Variants in SLX9 observed in about 807,000 individuals in gnomAD.
The protein encoded by SLX9 is SLX9 ribosome biogenesis factor.
A neutral mutation model predicts 20.8 loss-of-function variants in SLX9; 19 were observed. That is an observed-to-expected ratio of 0.91 (90% CI 0.64 to 1.34). SLX9 has a LOEUF of 1.34. Among genes scored for constraint, SLX9 ranks in the 40% most tolerant of loss-of-function variants. SLX9 has a pLI of 0.00. For missense variants in SLX9, 299 were observed against 322.2 expected, an observed-to-expected ratio of 0.93 and a Z score of 0.55; for synonymous variants, 113 against 137.1, an observed-to-expected ratio of 0.82 and a Z score of 1.23.
chr21:44,952,037 C>T lies in SLX9; in HGVS notation c.284-8063C>T, dbSNP rs112074084. ...GTGGGCACAGTGCAGCAGGCTAAGC[C>T]TTCATCGGATTAAAGTCGCCGGTTT... On this transcript the variant is annotated intron_variant, in intron 2 of 5. Transcript: ENST00000291634. Among the ~76,000 whole-genome samples, 19 of 147,672 alleles carry T rather than the reference C, an allele frequency of 1.3e-4. 2 individuals carry two copies. The highest frequency in any genetic ancestry group is 2.6e-4 in the Admixed American group (4 of 15,166).
intron 1 of SLX9, among the ~76,000 whole-genome samples, chr21:44,942,050 C>G (rs1223001534): frequency 1.3e-5 from 2 of 152,218 alleles, no homozygotes; most frequent in Non-Finnish European, 2.9e-5. Flanking sequence ...AGGGGCGTGC[C>G]TTTAGTTGTC....
At chr21:44,955,971 A>T (rs1262583593) in intron 2 of SLX9, among the ~76,000 whole-genome samples, 4 of 152,182 alleles carry the variant, frequency 2.6e-5, no homozygotes. Flanking sequence ...TGCGGCCTGT[A>T]CCTTTGGAGG....
chr21:44,946,011 G>A (rs1244395539), intron 2 of SLX9, among the ~76,000 whole-genome samples: 1 of 151,922 alleles, frequency 6.6e-6, no homozygotes, highest in East Asian at 1.9e-4. Context: ...TGGGATTACA[G>A]GTGTGAGCCA....
At chr21:44,963,203 C>T (rs951023040) in intron 3 of SLX9, among the ~76,000 whole-genome samples, 29 of 151,936 alleles carry the variant, frequency 1.9e-4, no homozygotes, top group African/African-American at 7.0e-4. Flanking sequence ...ATTCTTCTGC[C>T]TCAGCCTTCT....
intron 3 of SLX9, 37 bp from the exon 4 acceptor site, chr21:44,966,997 C>T (rs1020416235): frequency 6.3e-7 from 1 of 1,581,410 alleles, no homozygotes; most frequent in Non-Finnish European, 8.6e-7. Flanking sequence ...CCTCCTCTGC[C>T]TCTTGTTTGC....
chr21:44,959,205 T>TG, intron 2 of SLX9: 3 of 985,446 alleles, frequency 3.0e-6, no homozygotes, highest in Non-Finnish European at 3.6e-6. Flanking sequence ...GGCTTGCTTC[T>TG]GCTTTGTTTT....
intron 1 of SLX9, 120 bp from the exon 2 acceptor site, chr21:44,943,564 A>G: frequency 7.3e-7 from 1 of 1,361,280 alleles, no homozygotes; most frequent in Non-Finnish European, 1.0e-6. Context: ...CCTCCCGGGC[A>G]GAGAAGCTGG....
chr21:44,948,646 G>A (rs982025917), intron 2 of SLX9, among the ~76,000 whole-genome samples: 4 of 152,188 alleles, frequency 2.6e-5, no homozygotes, highest in Non-Finnish European at 2.9e-5. Flanking sequence ...GCTGGAGAGG[G>A]AGCTCACAGC....
At chr21:44,943,592 C>T (rs2084588029) in intron 1 of SLX9, 92 bp from the exon 2 acceptor site, 3 of 1,523,904 alleles carry the variant, frequency 2.0e-6, no homozygotes, top group Admixed American at 1.8e-5. Flanking sequence ...AGGTTCTTGT[C>T]TTGCATCTTC....
intron 3 of SLX9, among the ~76,000 whole-genome samples, chr21:44,965,941 C>T (rs747058916): frequency 6.6e-6 from 1 of 152,142 alleles, no homozygotes; most frequent in Non-Finnish European, 1.5e-5. Flanking sequence ...GTGGAGTAAG[C>T]GCTGGATTCT....
chr21:44,945,170 G>A (rs2084620325), intron 2 of SLX9, among the ~76,000 whole-genome samples: 1 of 152,204 alleles, frequency 6.6e-6, no homozygotes, highest in Non-Finnish European at 1.5e-5. Context: ...GATGCTAAGG[G>A]CCTCACTGTG....
chr21:44,949,896 T>TTG (rs1482012546), intron 2 of SLX9, among the ~76,000 whole-genome samples: 3 of 152,174 alleles, frequency 2.0e-5, no homozygotes, highest in Non-Finnish European at 2.9e-5. Flanking sequence ...GGGCGCGACC[T>TTG]TGGCTTCCTG....
rs2084716586 is a variant in SLX9, at chr21:44,949,631, C to G, written c.283+5794C>G. Among the ~76,000 whole-genome samples, 3 of 152,204 alleles carry G rather than the reference C, an allele frequency of 2.0e-5. No homozygotes were observed. In the South Asian group the frequency reaches 6.2e-4, roughly 31 times the overall value. On this transcript the variant is annotated intron_variant, in intron 2 of 5. Transcript: ENST00000291634. ...CGCCATTGCTGCTCCGGCAGCCACT[C>G]CTGCCGCTTCTGCCTGCGCCTTCCG... is the stretch of plus-strand genomic sequence containing the variant.
chr21:44,969,248 C>G (rs1002498575), intron 4 of SLX9: 9 of 468,830 alleles, frequency 1.9e-5, no homozygotes, highest in African/African-American at 1.0e-4. Flanking sequence ...CACCAGAGCA[C>G]TGGGTCCAGA....
chr21:44,967,909 A>T (rs1279745070), intron 4 of SLX9, among the ~76,000 whole-genome samples: 1 of 152,092 alleles, frequency 6.6e-6, no homozygotes, highest in Non-Finnish European at 1.5e-5. Context: ...TCCCAGCCTC[A>T]CCACGGGTCT....
chr21:44,955,639 C>G (rs1321323545), intron 2 of SLX9, among the ~76,000 whole-genome samples: 1 of 152,192 alleles, frequency 6.6e-6, no homozygotes. Context: ...CCCACTTTGG[C>G]CTCCTGAGCA....
At chr21:44,945,094 G>A (rs551107734) in intron 2 of SLX9, among the ~76,000 whole-genome samples, 12 of 152,340 alleles carry the variant, frequency 7.9e-5, no homozygotes, top group African/African-American at 2.9e-4. Flanking sequence ...CACAAGTCAT[G>A]TGATCACGGG....
At chr21:44,966,903 G>A (rs1333300508) in intron 3 of SLX9, 131 bp from the exon 4 acceptor site, 2 of 1,185,978 alleles carry the variant, frequency 1.7e-6, no homozygotes, top group African/African-American at 3.1e-5. Context: ...GGGGCGGAAT[G>A]GGGGTGACAG....
At chr21:44,963,111 A>AT (rs1209205721) in intron 3 of SLX9, among the ~76,000 whole-genome samples, 1 of 142,304 alleles carries the variant, frequency 7.0e-6, no homozygotes, top group Non-Finnish European at 1.5e-5. Context: ...TTTTTTTGAG[A>AT]TAGAGTCTTG....
Sources: gnomAD v4.1 joint callset for allele counts (sites outside exome capture counted in the v4.1 genomes callset) on GRCh38, gnomAD v4.1.1 for gene constraint, MANE v1.5 for transcripts, NCBI Gene and HGNC (gene_info 2026-07-23, HGNC 2026-07-21) for gene names.